CAMK2D: variants seen among roughly 807,000 people sequenced by gnomAD.
The protein encoded by CAMK2D is calcium/calmodulin-dependent protein kinase type II subunit delta.
Under a neutral mutation model 84.0 loss-of-function variants are expected in CAMK2D, and 37 were observed. The observed-to-expected ratio is 0.44, with a 90% CI of 0.34 to 0.58. The LOEUF (loss-of-function observed/expected upper bound fraction) is 0.58. Among genes scored for constraint, CAMK2D ranks in the 20% least tolerant of loss-of-function variants. The pLI, the probability that CAMK2D is intolerant of heterozygous loss-of-function variation, is 0.02. For synonymous variants in CAMK2D, 202 were observed against 212.5 expected (o/e 0.95, Z 0.43); for missense variants, 448 against 652.5 (o/e 0.69, Z 3.41).
intron 16 of CAMK2D, among the ~76,000 whole-genome samples, chr4:113,483,086 A>C (rs2097721199): frequency 6.6e-6 from 1 of 152,250 alleles, no homozygotes; most frequent in Non-Finnish European, 1.5e-5. Flanking sequence ...TGTACTCTGG[A>C]AGAAACTTTA....
intron 2 of CAMK2D, among the ~76,000 whole-genome samples, chr4:113,672,647 T>C (rs1223143020): frequency 1.3e-5 from 2 of 151,786 alleles, no homozygotes; most frequent in Non-Finnish European, 2.9e-5. Flanking sequence ...ACACTTAAAA[T>C]CTTGCATCTA....
chr4:113,729,888 C>T (rs149099906), intron 2 of CAMK2D, among the ~76,000 whole-genome samples: 9 of 152,282 alleles, frequency 5.9e-5, no homozygotes, highest in Admixed American at 1.3e-4. Flanking sequence ...CCTGATCAGA[C>T]ACCAAATCAA....
chr4:113,509,721 C>G, intron 12 of CAMK2D, 46 bp from the exon 13 acceptor site: 2 of 1,409,012 alleles, frequency 1.4e-6, no homozygotes, highest in Non-Finnish European at 2.0e-6. Context: ...TCCATAGAAA[C>G]CCACAGCCAG....
intron 2 of CAMK2D, among the ~76,000 whole-genome samples, chr4:113,682,028 G>C (rs1224912936): frequency 6.6e-6 from 1 of 152,160 alleles, no homozygotes; most frequent in South Asian, 2.1e-4. Flanking sequence ...GTGGACCTGA[G>C]TTTAAATCCT....
chr4:113,678,460 AT>A (rs35916236), intron 2 of CAMK2D, among the ~76,000 whole-genome samples: 63 of 135,242 alleles, frequency 4.7e-4, no homozygotes, highest in Middle Eastern at 3.6e-3. Context: ...TGGTTCTGTG[AT>A]TTTTTTTTTT....
intron 5 of CAMK2D, among the ~76,000 whole-genome samples, chr4:113,547,948 T>C (rs923958896): frequency 6.6e-6 from 1 of 152,220 alleles, no homozygotes; most frequent in Non-Finnish European, 1.5e-5. Context: ...AAAATCCATT[T>C]TGAAAACACT....
At chr4:113,636,495 T>A (rs1346840459) in intron 3 of CAMK2D, among the ~76,000 whole-genome samples, 4 of 152,146 alleles carry the variant, frequency 2.6e-5, no homozygotes, top group African/African-American at 9.7e-5. Context: ...AGCCCTCCTA[T>A]CCTTAATAAT....
chr4:113,552,359 T>C (rs1029006114), intron 4 of CAMK2D, among the ~76,000 whole-genome samples: 1 of 152,136 alleles, frequency 6.6e-6, no homozygotes, highest in African/African-American at 2.4e-5. Context: ...TCGCAGAAAA[T>C]GGTTTTCATT....
At chr4:113,726,443 C>A (rs1200697446) in intron 2 of CAMK2D, among the ~76,000 whole-genome samples, 4 of 136,994 alleles carry the variant, frequency 2.9e-5, no homozygotes, top group African/African-American at 1.1e-4. Flanking sequence ...TGCAGTGGCA[C>A]AATCATGGCT....
chr4:113,739,562 G>A (rs923316722), intron 2 of CAMK2D, among the ~76,000 whole-genome samples: 3 of 151,996 alleles, frequency 2.0e-5, no homozygotes, highest in Admixed American at 2.0e-4. Context: ...TACAAATAAA[G>A]CTCCCAAGCC....
At chr4:113,643,011 T>C (rs940095464) in intron 3 of CAMK2D, among the ~76,000 whole-genome samples, 6 of 152,144 alleles carry the variant, frequency 3.9e-5, no homozygotes, top group Admixed American at 3.3e-4. Context: ...AAAGGGAACA[T>C]CTGAACAGTA....
At chr4:113,648,729 A>T (rs1463507023) in intron 3 of CAMK2D, among the ~76,000 whole-genome samples, 1 of 152,186 alleles carries the variant, frequency 6.6e-6, no homozygotes, top group Non-Finnish European at 1.5e-5. Context: ...ACTCAGCAGC[A>T]TTCAGTCTTA....
At chr4:113,744,156 A>G (rs1304372419) in intron 2 of CAMK2D, among the ~76,000 whole-genome samples, 1 of 152,186 alleles carries the variant, frequency 6.6e-6, no homozygotes, top group Non-Finnish European at 1.5e-5. Flanking sequence ...TTTGTTAAAC[A>G]AGCAAGCTTT....
At chr4:113,668,968 C>A in intron 2 of CAMK2D, among the ~76,000 whole-genome samples, 1 of 152,062 alleles carries the variant, frequency 6.6e-6, no homozygotes, top group East Asian at 1.9e-4. Context: ...TATTTATTCT[C>A]TTTCACAGGA....
chr4:113,683,118 T>G lies in CAMK2D; in HGVS notation c.161-21346A>C, dbSNP rs958352509. On this transcript the variant is annotated intron_variant, in intron 2 of 20. Transcript: ENST00000511664. ...GAATAAAAATCTAAGGAGCAAAATA[T>G]TTTAAACACAACTAATATGTGTTAT... is the stretch of plus-strand genomic sequence containing the variant. 2.0e-5 allele frequency among the ~76,000 whole-genome samples: 3 copies of G among 152,194 alleles called. No homozygotes were observed. In the East Asian group the frequency reaches 5.8e-4, roughly 29 times the overall value.
intron 2 of CAMK2D, among the ~76,000 whole-genome samples, chr4:113,742,754 G>C (rs1372603081): frequency 6.6e-6 from 1 of 152,112 alleles, no homozygotes; most frequent in Non-Finnish European, 1.5e-5. Context: ...AGGAATGTAA[G>C]CAAGGCACAA....
chr4:113,761,543 C>A lies in CAMK2D; in HGVS notation c.-475G>T. 1 of 998,758 alleles carries A rather than the reference C, an allele frequency of 1.0e-6. No individual in the cohort carries two copies. Among genetic ancestry groups the A allele is most frequent in the Non-Finnish European group, 1.2e-6 (1 of 838,086 alleles). The allele number at this position is 998,758 out of a possible 1,614,324, so 61.9% of individuals were successfully genotyped here. The stretch of plus-strand genomic sequence containing the variant: ...GCAGCGGGGCCGAGGCCGCGGAGCC[C>A]AGAGCGGACAGCCTGAGCCCAGCGG... On this transcript the variant is annotated 5_prime_UTR_variant, in exon 1 of 21. Coordinates refer to ENST00000511664, the MANE Select transcript of CAMK2D (RefSeq NM_001321571.2).
intron 3 of CAMK2D, among the ~76,000 whole-genome samples, chr4:113,655,255 C>T (rs2099193951): frequency 6.6e-6 from 1 of 152,078 alleles, no homozygotes; most frequent in Non-Finnish European, 1.5e-5. Flanking sequence ...CCCAGTGAAT[C>T]TATAGAGCTT....
rs562086757 is a variant in CAMK2D, at chr4:113,494,774, GT to G, written c.1135+5688del. Among the ~76,000 whole-genome samples the G allele has an allele frequency of 3.7e-3, 569 of 152,306 alleles. 5 individuals carry two copies. Among genetic ancestry groups the G allele is most frequent in the African/African-American group, 0.013 (549 of 41,574 alleles). On this transcript the variant is annotated intron_variant, in intron 16 of 20. Coordinates refer to ENST00000511664, the MANE Select transcript of CAMK2D (RefSeq NM_001321571.2). Reference sequence around the variant, plus strand: ...CCTTGCAGTTTGATCTCAGACTGCTGTGCTAGCAATCAGGGAGACTCCGTGG... The same window carrying G: ...CCTTGCAGTTTGATCTCAGACTGCTGGCTAGCAATCAGGGAGACTCCGTGG...
Sources: gnomAD v4.1 joint callset for allele counts (sites outside exome capture counted in the v4.1 genomes callset) on GRCh38, gnomAD v4.1.1 for gene constraint, MANE v1.5 for transcripts, NCBI Gene and HGNC (gene_info 2026-07-23, HGNC 2026-07-21) for gene names.